The following KCNH8 variants were observed in gnomAD, a reference collection of about 807,000 sequenced individuals.
The protein encoded by KCNH8 is potassium voltage-gated channel subfamily H member 8, also known as voltage-gated delayed rectifier potassium channel KCNH8.
KCNH8 carries 70 observed loss-of-function variants against 103.6 expected under a neutral mutation model. That is an observed-to-expected ratio of 0.68 (90% confidence interval 0.56 to 0.82). The LOEUF is 0.82. KCNH8 is among the 40% of genes least tolerant of loss of function. The probability of loss-of-function intolerance (pLI) is 0.00; values close to 1 mark genes in which losing one functional copy is unlikely to be tolerated. For missense variants in KCNH8, 1,217 were observed against 1,329.9 expected, an observed-to-expected ratio of 0.92 and a Z score of 1.32; for synonymous variants, 498 against 489.4, an observed-to-expected ratio of 1.02 and a Z score of -0.23.
intron 1 of KCNH8, among the ~76,000 whole-genome samples, chr3:19,205,575 C>G (rs1318302542): frequency 1.3e-5 from 2 of 151,948 alleles, no homozygotes; most frequent in Non-Finnish European, 2.9e-5. Context: ...TTGTTGAAAG[C>G]CACCCCACTA....
chr3:19,474,510 C>T (rs890021564), intron 11 of KCNH8, among the ~76,000 whole-genome samples: 11 of 152,254 alleles, frequency 7.2e-5, no homozygotes, highest in South Asian at 2.1e-4. Flanking sequence ...AAGGGGAAAA[C>T]TGAAGTACCT....
chr3:19,235,715 T>C (rs1482287052), intron 1 of KCNH8, among the ~76,000 whole-genome samples: 1 of 152,234 alleles, frequency 6.6e-6, no homozygotes, highest in Admixed American at 6.5e-5. Flanking sequence ...ATGCAGATGC[T>C]GTTATCTTTT....
At chr3:19,296,307 A>G (rs961090701) in intron 3 of KCNH8, among the ~76,000 whole-genome samples, 3 of 152,242 alleles carry the variant, frequency 2.0e-5, no homozygotes, top group African/African-American at 4.8e-5. Flanking sequence ...TTGGAGGATG[A>G]AAATTTTGCC....
intron 1 of KCNH8, among the ~76,000 whole-genome samples, chr3:19,170,239 G>A (rs758257439): frequency 3.5e-4 from 53 of 151,872 alleles, no homozygotes; most frequent in Non-Finnish European, 6.5e-4. Context: ...TGTTTTTCAC[G>A]TCCTATTTTT....
intron 5 of KCNH8, among the ~76,000 whole-genome samples, chr3:19,378,443 T>C (rs2066242947): frequency 6.6e-6 from 1 of 152,168 alleles, no homozygotes; most frequent in Non-Finnish European, 1.5e-5. Context: ...CAAGGGACTG[T>C]TTTAAGTATT....
At chr3:19,330,462 A>C in intron 3 of KCNH8, among the ~76,000 whole-genome samples, 1 of 152,312 alleles carries the variant, frequency 6.6e-6, no homozygotes, top group Middle Eastern at 3.4e-3. Flanking sequence ...GGGTTATAAA[A>C]AGACAATGAA....
intron 1 of KCNH8, among the ~76,000 whole-genome samples, chr3:19,227,203 T>A (rs899881744): frequency 1.3e-5 from 2 of 152,238 alleles, no homozygotes; most frequent in African/African-American, 4.8e-5. Context: ...CCCTCTGTGC[T>A]TTCTTCTTTA....
At position 19,403,728 on chromosome 3, in the gene KCNH8, A is replaced by G. The variant is rs1026793627; in HGVS notation, c.1177+8417A>G. ...AACAGACAAATTAGCTTTGATGATG[A>G]AAATAAAAATCATAACCACAGTGTC... On this transcript the variant is annotated intron_variant, in intron 7 of 15. Coordinates refer to ENST00000328405, the MANE Select transcript of KCNH8 (RefSeq NM_144633.3). Among the ~76,000 whole-genome samples, 9 of 151,794 alleles carry G rather than the reference A, an allele frequency of 5.9e-5. 1 individual carries two copies. The highest frequency in any genetic ancestry group is 1.3e-4 in the Admixed American group (2 of 15,192).
At chr3:19,418,341 G>C (rs1042257711) in intron 7 of KCNH8, among the ~76,000 whole-genome samples, 1 of 152,150 alleles carries the variant, frequency 6.6e-6, no homozygotes, top group Non-Finnish European at 1.5e-5. Flanking sequence ...TAAACTAAAG[G>C]TTAATGAAAT....
Position 19,281,309 on chromosome 3 carries a change from C to T in KCNH8, c.422C>T (p.Thr141Ile). 6.2e-7 allele frequency: 1 copy of T among 1,603,882 alleles called. No homozygotes were observed. Among genetic ancestry groups the T allele is most frequent in the Non-Finnish European group, 8.5e-7 (1 of 1,176,238 alleles). The change falls in exon 3 of 16, where the codon ACT becomes ATT. Residue 141 changes from threonine (T) to isoleucine (I), a missense_variant. Thr to Ile is a moderately conservative substitution (Grantham distance 89, BLOSUM62 -1). Transcript: ENST00000328405. ...KDITDTKVKI[T>I]PEDKKEDKVK... ...ATAACAGATACAAAAGTGAAGATTACTCCAGAAGATAAAAAAGAAGGTTTG... is the reference window on the plus strand; with the variant it reads ...ATAACAGATACAAAAGTGAAGATTATTCCAGAAGATAAAAAAGAAGGTTTG...
chr3:19,412,446 A>G (rs2066795087), intron 7 of KCNH8, among the ~76,000 whole-genome samples: 1 of 152,124 alleles, frequency 6.6e-6, no homozygotes. Context: ...ATTCTAGAAG[A>G]AAACCTAGAA....
In KCNH8 at chr3:19,372,806, G is replaced by A. The variant is rs1438312111; in HGVS notation, c.812-17675G>A. On this transcript the variant is annotated intron_variant, in intron 5 of 15. Coordinates refer to ENST00000328405, the MANE Select transcript of KCNH8 (RefSeq NM_144633.3). ...GTCCCATCAATACCGAATTTATTGA[G>A]AGTTTTTAGCATGAAGGGTTGTTGA... Among the ~76,000 whole-genome samples, 16 of 152,094 alleles carry A rather than the reference G, an allele frequency of 1.1e-4. No homozygotes were observed. In the East Asian group the frequency reaches 2.9e-3, roughly 27 times the overall value.
At chr3:19,182,944 A>G (rs1467422881) in intron 1 of KCNH8, among the ~76,000 whole-genome samples, 1 of 152,268 alleles carries the variant, frequency 6.6e-6, no homozygotes, top group Non-Finnish European at 1.5e-5. Flanking sequence ...GCTAAATGAC[A>G]CATTAATGAA....
intron 1 of KCNH8, among the ~76,000 whole-genome samples, chr3:19,189,949 ATACT>A (rs68161313): frequency 0.04 from 6,047 of 152,092 alleles, 427 homozygotes; most frequent in African/African-American, 0.14. Flanking sequence ...ATTCATTAAC[ATACT>A]TCTTATGAGT....
chr3:19,161,706 A>T (rs1199725903), intron 1 of KCNH8, among the ~76,000 whole-genome samples: 1 of 152,208 alleles, frequency 6.6e-6, no homozygotes, highest in Non-Finnish European at 1.5e-5. Flanking sequence ...TGACAAAGCA[A>T]TTGTAAATTT....
At chr3:19,263,576 G>A (rs1353671547) in intron 2 of KCNH8, among the ~76,000 whole-genome samples, 3 of 152,060 alleles carry the variant, frequency 2.0e-5, no homozygotes, top group South Asian at 2.1e-4. Flanking sequence ...GCAAGGCCTC[G>A]TCAGCATGGT....
chr3:19,317,710 A>G (rs879851561), intron 3 of KCNH8, among the ~76,000 whole-genome samples: 7 of 152,020 alleles, frequency 4.6e-5, no homozygotes, highest in Admixed American at 4.6e-4. Context: ...CATAAACAGA[A>G]CTAAAGACAA....
intron 8 of KCNH8, among the ~76,000 whole-genome samples, chr3:19,445,965 G>C (rs2067356706): frequency 6.6e-6 from 1 of 151,896 alleles, no homozygotes. Context: ...AATGGAAATA[G>C]GTACTTAAGC....
chr3:19,411,176 T>G (rs2066772632), intron 7 of KCNH8, among the ~76,000 whole-genome samples: 1 of 152,116 alleles, frequency 6.6e-6, no homozygotes, highest in South Asian at 2.1e-4. Context: ...CATGATCAAG[T>G]AGGCTTCATT....
Sources: gnomAD v4.1 joint callset for allele counts (sites outside exome capture counted in the v4.1 genomes callset) on GRCh38, gnomAD v4.1.1 for gene constraint, MANE v1.5 for transcripts, NCBI Gene and HGNC (gene_info 2026-07-23, HGNC 2026-07-21) for gene names.